The following HECW2 variants were observed in gnomAD, a reference collection of about 807,000 sequenced individuals.
HECW2 encodes HECT, C2 and WW domain containing E3 ubiquitin protein ligase 2.
Under a neutral mutation model 175.2 loss-of-function variants are expected in HECW2, and 61 were observed. That is an observed-to-expected ratio of 0.35 (90% CI 0.28 to 0.43). The LOEUF (loss-of-function observed/expected upper bound fraction) is 0.43, where lower values mean the gene tolerates loss of function less well. Ranked by LOEUF, HECW2 falls within the 20% of genes least tolerant of loss-of-function variation. The pLI is 1.00. For synonymous variants in HECW2, 671 were observed against 731.0 expected, an observed-to-expected ratio of 0.92 and a Z score of 1.32; for missense variants, 1,524 against 2,000.5, an observed-to-expected ratio of 0.76 and a Z score of 4.54.
chr2:196,472,660 T>G (rs1041735248), intron 1 of HECW2, among the ~76,000 whole-genome samples: 1 of 151,960 alleles, frequency 6.6e-6, no homozygotes, highest in Non-Finnish European at 1.5e-5. Context: ...TCACTCTGGT[T>G]GCCCAGGCTG....
At position 196,347,882 on chromosome 2, in the gene HECW2, T is replaced by C. The variant is rs116665422; in HGVS notation, c.293-4118A>G. 2.8e-3 allele frequency among the ~76,000 whole-genome samples: 427 copies of C among 152,370 alleles called. 1 individual carries two copies. The highest frequency in any genetic ancestry group is 9.2e-3 in the African/African-American group (384 of 41,590). On this transcript the variant is annotated intron_variant, in intron 2 of 28. Coordinates refer to ENST00000644978, the MANE Select transcript of HECW2 (RefSeq NM_001348768.2). Reference sequence around the variant, plus strand: ...TTGATAATTCATTATCCTTGACAGATACAAATACTTCCGCCACTGAGTGGC... The same window carrying C: ...TTGATAATTCATTATCCTTGACAGACACAAATACTTCCGCCACTGAGTGGC...
At chr2:196,343,870 A>AAT (rs1295992085) in intron 2 of HECW2, 106 bp from the exon 3 acceptor site, 11 of 758,614 alleles carry the variant, frequency 1.5e-5, no homozygotes, top group Middle Eastern at 2.4e-4. Context: ...TAAATGAGAA[A>AAT]ATATAATGCA....
chr2:196,242,682 C>CTTTTTTT (rs1157719695), intron 19 of HECW2: 3 of 86,698 alleles, frequency 3.5e-5, no homozygotes, highest in African/African-American at 4.9e-5. Flanking sequence ...CCTCATGAAA[C>CTTTTTTT]TTTTTTTTTT....
chr2:196,332,329 T>C (rs1692394537), intron 4 of HECW2, among the ~76,000 whole-genome samples: 1 of 152,184 alleles, frequency 6.6e-6, no homozygotes, highest in African/African-American at 2.4e-5. Flanking sequence ...CATCATGCTA[T>C]TATAGAAACA....
Position 196,361,165 on chromosome 2 carries a change from T to C in HECW2, c.293-17401A>G, listed in dbSNP as rs534794207. Reference sequence around the variant, plus strand: ...GTTGTTCCAGTTTTTAAATAATTAATTAAAGTGGATTTTCTGCTTGCAAAT... The same window carrying C: ...GTTGTTCCAGTTTTTAAATAATTAACTAAAGTGGATTTTCTGCTTGCAAAT... On this transcript the variant is annotated intron_variant, in intron 2 of 28. Transcript: ENST00000644978. 7.2e-5 allele frequency among the ~76,000 whole-genome samples: 11 copies of C among 152,302 alleles called. No individual in the cohort carries two copies. In the South Asian group the frequency reaches 2.3e-3, roughly 32 times the overall value.
At chr2:196,535,056 A>C (rs894646593) in intron 1 of HECW2, among the ~76,000 whole-genome samples, 7 of 152,104 alleles carry the variant, frequency 4.6e-5, no homozygotes, top group Non-Finnish European at 1.0e-4. Flanking sequence ...ATAACAAAAA[A>C]AAAAAAACAA....
chr2:196,382,777 GTTCTAAACCAGGGTAGCTCCA>G (rs897981152), intron 2 of HECW2, among the ~76,000 whole-genome samples: 4 of 65,336 alleles, frequency 6.1e-5, no homozygotes, highest in Non-Finnish European at 8.7e-5. Context: ...TTACATGAAT[GTTCTAAACCAGGGTAGCTCCA>G]TGATAACCCT....
intron 2 of HECW2, among the ~76,000 whole-genome samples, chr2:196,369,527 C>CT (rs1279528758): frequency 6.6e-6 from 1 of 151,356 alleles, no homozygotes; most frequent in Non-Finnish European, 1.5e-5. Flanking sequence ...TGGCTACCAC[C>CT]TATGTTCACT....
chr2:196,362,707 T>C (rs1340977618), intron 2 of HECW2, among the ~76,000 whole-genome samples: 2 of 152,192 alleles, frequency 1.3e-5, no homozygotes, highest in Non-Finnish European at 2.9e-5. Flanking sequence ...GATAGAATCA[T>C]CAATCTAGCT....
At position 196,278,676 on chromosome 2, in the gene HECW2, C is replaced by T. The variant is rs751155491; in HGVS notation, c.3001-14G>A. ...CACAAAGAATGCCTAGGATACAATACACTGAGTCAAATACATGCCGCTCAC... is the reference window on the plus strand; with the variant it reads ...CACAAAGAATGCCTAGGATACAATATACTGAGTCAAATACATGCCGCTCAC... On this transcript the variant is annotated splice_polypyrimidine_tract_variant and intron_variant, in intron 14 of 28. Transcript: ENST00000644978. The T allele has an allele frequency of 1.2e-6, 2 of 1,613,760 alleles. No individual in the cohort carries two copies. The highest frequency in any genetic ancestry group is 2.2e-5 in the East Asian group (1 of 44,870).
At chr2:196,233,699 C>A (rs953917095) in intron 21 of HECW2, among the ~76,000 whole-genome samples, 6 of 152,096 alleles carry the variant, frequency 3.9e-5, no homozygotes, top group Non-Finnish European at 8.8e-5. Context: ...ACAGAAGCAT[C>A]CTTCTTTAGA....
intron 22 of HECW2, among the ~76,000 whole-genome samples, chr2:196,226,992 G>C (rs139110036): frequency 1.6e-3 from 246 of 152,274 alleles, no homozygotes; most frequent in African/African-American, 5.5e-3. Flanking sequence ...CTAGCTCTTT[G>C]AAAGTCTGAT....
In HECW2 at chr2:196,456,386, T is replaced by C. The variant is rs930760255; in HGVS notation, c.-35-22928A>G. ...CCTTATATACATTATCTCCTATCAC[T>C]GATTTACCTTATCCCAGCAAGGAAA... On this transcript the variant is annotated intron_variant, in intron 1 of 28. Coordinates refer to ENST00000644978, the MANE Select transcript of HECW2 (RefSeq NM_001348768.2). Among the ~76,000 whole-genome samples, 8 of 152,150 alleles carry C rather than the reference T, an allele frequency of 5.3e-5. 1 individual carries two copies. Among genetic ancestry groups the C allele is most frequent in the Admixed American group, 4.6e-4 (7 of 15,280 alleles).
intron 1 of HECW2, among the ~76,000 whole-genome samples, chr2:196,539,503 C>T (rs1230919671): frequency 1.3e-5 from 2 of 151,992 alleles, no homozygotes; most frequent in Non-Finnish European, 2.9e-5. Flanking sequence ...GCTGTGGTGG[C>T]GGGCACCTGT....
intron 1 of HECW2, among the ~76,000 whole-genome samples, chr2:196,448,244 G>A (rs1696243631): frequency 6.6e-6 from 1 of 152,054 alleles, no homozygotes; most frequent in African/African-American, 2.4e-5. Flanking sequence ...CCCAATCAAT[G>A]TAAATAGATT....
intron 26 of HECW2, chr2:196,217,955 T>A (rs1161354812): frequency 2.0e-5 from 3 of 152,214 alleles, no homozygotes; most frequent in Non-Finnish European, 2.9e-5. Flanking sequence ...TTTCAGTAGT[T>A]GTAGGATTTG....
At chr2:196,382,980 T>C (rs952399136) in intron 2 of HECW2, among the ~76,000 whole-genome samples, 3 of 152,236 alleles carry the variant, frequency 2.0e-5, no homozygotes, top group African/African-American at 7.2e-5. Flanking sequence ...CAGGTGGCTC[T>C]GGTGGCAGTA....
chr2:196,362,141 T>C lies in HECW2; in HGVS notation c.293-18377A>G, dbSNP rs1693607350. ...AATGACACTAAAAGCCACTCCTGCC[T>C]TTCATCAAGACTTATCACTGTCCAG... On this transcript the variant is annotated intron_variant, in intron 2 of 28. Coordinates refer to ENST00000644978, the MANE Select transcript of HECW2 (RefSeq NM_001348768.2). 5.1e-6 allele frequency: 5 copies of C among 985,204 alleles called. No homozygotes were observed. In the South Asian group the frequency reaches 1.9e-4, roughly 37 times the overall value. The allele number at this position is 985,204 out of a possible 1,614,324, so 61.0% of individuals were successfully genotyped here.
rs535436393 is a variant in HECW2, at chr2:196,471,863, G to A, written c.-35-38405C>T. Among the ~76,000 whole-genome samples the A allele has an allele frequency of 2.8e-3, 427 of 151,868 alleles. 2 individuals are homozygous for A. The highest frequency in any genetic ancestry group is 9.7e-3 in the African/African-American group (403 of 41,382). Reference sequence around the variant, plus strand: ...AGAGGATCAGAAAAAACAACTACCGGGTACTAAGTATAATATCTGGGTGAT... The same window carrying A: ...AGAGGATCAGAAAAAACAACTACCGAGTACTAAGTATAATATCTGGGTGAT... On this transcript the variant is annotated intron_variant, in intron 1 of 28. Transcript: ENST00000644978.
Sources: allele counts gnomAD v4.1 joint callset (sites outside exome capture counted in the v4.1 genomes callset), GRCh38; gene constraint gnomAD v4.1.1; transcripts MANE v1.5; gene names NCBI Gene and HGNC (gene_info 2026-07-23, HGNC 2026-07-21).